The following TMEM219 variants were observed in gnomAD, a reference collection of about 807,000 sequenced individuals.
The protein encoded by TMEM219 is insulin-like growth factor-binding protein 3 receptor.
TMEM219 carries 18 observed loss-of-function variants against 17.9 expected under a neutral mutation model. The observed-to-expected ratio is 1.01, with a 90% CI of 0.70 to 1.49. The LOEUF is 1.49. Ranked by LOEUF, TMEM219 falls within the 40% of genes most tolerant of loss-of-function variation. TMEM219 has a pLI of 0.00. For synonymous variants in TMEM219, 113 were observed against 124.0 expected (o/e 0.91, Z 0.59); for missense variants, 288 against 292.4 (o/e 0.99, Z 0.11).
intron 4 of TMEM219, 185 bp downstream of exon 4, chr16:29,968,439 CAG>C: frequency 1.8e-6 from 1 of 567,036 alleles, no homozygotes. Context: ...ATCTGTAAAA[CAG>C]AAAACATGAC....
chr16:29,964,664 GC>G (rs1229502437), intron 3 of TMEM219, among the ~76,000 whole-genome samples: 22 of 143,466 alleles, frequency 1.5e-4, no homozygotes, highest in East Asian at 1.3e-3. Context: ...CCCGCCCCGC[GC>G]CCCCCCCACC....
intron 5 of TMEM219, 35 bp downstream of exon 5, chr16:29,971,613 GAA>G: frequency 3.0e-5 from 22 of 730,692 alleles, no homozygotes; most frequent in East Asian, 4.5e-5. Context: ...CGGGAGCAGG[GAA>G]TGGGGTGGGG....
In TMEM219 at chr16:29,963,715, T is replaced by C. The variant is rs935758477; in HGVS notation, c.355+126T>C. 5.7e-6 allele frequency: 5 copies of C among 876,408 alleles called. No individual in the cohort carries two copies. The African/African-American group carries it at 8.5e-5, about 15-fold the overall frequency. 54.3% of individuals were successfully genotyped at this position (876,408 alleles called of 1,614,324 possible). A position where few individuals can be genotyped will look rare whatever the true frequency, so the allele number is the denominator to read the frequency against. On this transcript the variant is annotated intron_variant, in intron 3 of 5. Coordinates refer to ENST00000279396, the MANE Select transcript of TMEM219 (RefSeq NM_001083613.2). Reference sequence around the variant, plus strand: ...CTGGCCAACATGATGAAACACCATCTCTACTAAAAATACAAAAATTAGCCA... The same window carrying C: ...CTGGCCAACATGATGAAACACCATCCCTACTAAAAATACAAAAATTAGCCA...
Position 29,963,691 on chromosome 16 carries a change from T to G in TMEM219, c.355+102T>G, listed in dbSNP as rs987030479. ...TGAGGTCAGGAGTTCAAGACCAGCC[T>G]GGCCAACATGATGAAACACCATCTC... On this transcript the variant is annotated intron_variant, in intron 3 of 5. Transcript: ENST00000279396. 6 of 1,073,240 alleles carry G rather than the reference T, an allele frequency of 5.6e-6. No individual in the cohort carries two copies. In the African/African-American group the frequency reaches 9.6e-5, roughly 17 times the overall value. The allele number at this position is 1,073,240 out of a possible 1,614,324, so 66.5% of individuals were successfully genotyped here.
chr16:29,971,617 G>A lies in TMEM219; in HGVS notation c.*33+39G>A, dbSNP rs1182957590. 3 of 1,479,278 alleles carry A rather than the reference G, an allele frequency of 2.0e-6. No homozygotes were observed. The East Asian group carries it at 7.2e-5, about 36-fold the overall frequency. The allele number at this position is 1,479,278 out of a possible 1,614,324, so 91.6% of individuals were successfully genotyped here. Reference sequence around the variant, plus strand: ...CTCCAGTCCTGCGGGAGCAGGGAATGGGGTGGGGGTGGGGGTTGTAACCGG... The same window carrying A: ...CTCCAGTCCTGCGGGAGCAGGGAATAGGGTGGGGGTGGGGGTTGTAACCGG... On this transcript the variant is annotated intron_variant, in intron 5 of 5. Coordinates refer to ENST00000279396, the MANE Select transcript of TMEM219 (RefSeq NM_001083613.2).
In TMEM219 at chr16:29,963,360, T is replaced by G. The variant is rs766933379; in HGVS notation, c.166-40T>G. On this transcript the variant is annotated intron_variant, in intron 2 of 5. Coordinates refer to ENST00000279396, the MANE Select transcript of TMEM219 (RefSeq NM_001083613.2). ...CTTCCTTCCAACCTAGACAGGCTTTTGCTGCTAATCTCATCTCACCCGTCT... is the reference window on the plus strand; with the variant it reads ...CTTCCTTCCAACCTAGACAGGCTTTGGCTGCTAATCTCATCTCACCCGTCT... The G allele has an allele frequency of 1.9e-6, 3 of 1,613,716 alleles. No individual in the cohort carries two copies. In the African/African-American group the frequency reaches 4.0e-5, roughly 22 times the overall value.
At chr16:29,971,100 G>A (rs1455778226) in intron 4 of TMEM219, among the ~76,000 whole-genome samples, 2 of 151,884 alleles carry the variant, frequency 1.3e-5, no homozygotes, top group Admixed American at 1.3e-4. Flanking sequence ...CAAAAAATGA[G>A]CCAGGCGTGG....
At chr16:29,966,807 ACT>A (rs2069218334) in intron 3 of TMEM219, among the ~76,000 whole-genome samples, 1 of 152,046 alleles carries the variant, frequency 6.6e-6, no homozygotes, top group South Asian at 2.1e-4. Flanking sequence ...CAAGAGTGAA[ACT>A]CTGTCTCAAA....
At position 29,963,331 on chromosome 16, in the gene TMEM219, C is replaced by T. The variant is rs762259555; in HGVS notation, c.165+23C>T. On this transcript the variant is annotated intron_variant, in intron 2 of 5. Coordinates refer to ENST00000279396, the MANE Select transcript of TMEM219 (RefSeq NM_001083613.2). ...CAGGTAAGTTCCCCACCCCCGTACC[C>T]GCTCTTCCTTCCAACCTAGACAGGC... is the stretch of plus-strand genomic sequence containing the variant. 8.7e-6 allele frequency: 14 copies of T among 1,613,828 alleles called. No individual in the cohort carries two copies. In the African/African-American group the frequency reaches 1.1e-4, roughly 12 times the overall value.
In TMEM219 at chr16:29,962,117, C is replaced by G. The variant is rs980762576; in HGVS notation, c.-53C>G. On this transcript the variant is annotated 5_prime_UTR_variant, in exon 1 of 6. Coordinates refer to ENST00000279396, the MANE Select transcript of TMEM219 (RefSeq NM_001083613.2). ...TGACGTCGCGGGGGGCGCCGGCCTCCGCCCGGCCCCGAGGGGTAAGAGCGA... is the reference window on the plus strand; with the variant it reads ...TGACGTCGCGGGGGGCGCCGGCCTCGGCCCGGCCCCGAGGGGTAAGAGCGA... 6.6e-6 allele frequency: 1 copy of G among 151,664 alleles called. No individual in the cohort carries two copies. Among genetic ancestry groups the G allele is most frequent in the Non-Finnish European group, 1.5e-5 (1 of 67,876 alleles). The allele number at this position is 151,664 out of a possible 1,614,324, so 9.4% of individuals were successfully genotyped here.
intron 5 of TMEM219, 104 bp downstream of exon 5, chr16:29,971,682 C>A: frequency 8.5e-7 from 1 of 1,173,496 alleles, no homozygotes; most frequent in Non-Finnish European, 1.2e-6. Context: ...AAGACTGCTG[C>A]TTCTGAGTCC....
At chr16:29,964,194 G>A (rs1439947742) in intron 3 of TMEM219, among the ~76,000 whole-genome samples, 1 of 151,940 alleles carries the variant, frequency 6.6e-6, no homozygotes, top group Non-Finnish European at 1.5e-5. Context: ...ATGGTTGCAC[G>A]TGCCTGTAAT....
At chr16:29,968,000 A>G (rs765403888) in intron 3 of TMEM219, 25 bp from the exon 4 acceptor site, 1 of 1,576,378 alleles carries the variant, frequency 6.3e-7, no homozygotes, top group Non-Finnish European at 8.7e-7. Context: ...ATTTTCTTCC[A>G]TTTTCTCTTC....
rs765837980 is a variant in TMEM219 at position 29,963,267 on chromosome 16, C to T, written c.124C>T (p.Leu42Phe). ...TGGCCTGGGCCTTGGCAGCTTCCTC[C>T]TCACCCACAGGACTGGCCTGCGCAG... ...LSGLGLGSFLLTHRTGLRSPD... is the reference protein window; with the variant it reads ...LSGLGLGSFLFTHRTGLRSPD... Residue 42 changes from leucine (L) to phenylalanine (F), a missense_variant, in exon 2 of 6, where the codon CTC becomes TTC. Transcript: ENST00000279396. The T allele has an allele frequency of 1.2e-6, 2 of 1,614,152 alleles. No individual in the cohort carries two copies. The highest frequency in any genetic ancestry group is 3.3e-5 in the Admixed American group (2 of 60,034).
intron 3 of TMEM219, among the ~76,000 whole-genome samples, chr16:29,965,339 T>G (rs921112471): frequency 1.3e-5 from 2 of 152,156 alleles, no homozygotes; most frequent in African/African-American, 4.8e-5. Flanking sequence ...TTGGGACAAT[T>G]CTTTCCCATT....
chr16:29,963,040 T>C (rs781343320), intron 1 of TMEM219, 67 bp from the exon 2 acceptor site: 1 of 1,392,384 alleles, frequency 7.2e-7, no homozygotes, highest in Non-Finnish European at 9.9e-7. Flanking sequence ...CTTTGTCTTC[T>C]CTGAGCTTTC....
intron 4 of TMEM219, 42 bp downstream of exon 4, chr16:29,968,296 T>G: frequency 6.8e-7 from 1 of 1,480,894 alleles, no homozygotes; most frequent in Non-Finnish European, 9.4e-7. Flanking sequence ...GTAGACTGCC[T>G]GCTGACTACT....
intron 4 of TMEM219, among the ~76,000 whole-genome samples, chr16:29,969,768 G>A (rs891750786): frequency 5.3e-5 from 8 of 152,184 alleles, no homozygotes; most frequent in Non-Finnish European, 1.0e-4. Context: ...AGACCACAGG[G>A]ATTTGATGGA....
chr16:29,964,285 T>C (rs1001345628), intron 3 of TMEM219, among the ~76,000 whole-genome samples: 5 of 151,690 alleles, frequency 3.3e-5, no homozygotes, highest in Non-Finnish European at 7.4e-5. Context: ...ATCGTACCAC[T>C]GCACTCCATC....
Sources: allele counts gnomAD v4.1 joint callset (sites outside exome capture counted in the v4.1 genomes callset), GRCh38; gene constraint gnomAD v4.1.1; transcripts MANE v1.5; gene names NCBI Gene and HGNC (gene_info 2026-07-23, HGNC 2026-07-21).